DLGAP1: variants seen among roughly 807,000 people sequenced by gnomAD.
DLGAP1 encodes the protein DLG associated protein 1, also known as disks large-associated protein 1.
A neutral mutation model predicts 90.8 loss-of-function variants in DLGAP1; 11 were observed. The ratio of observed to expected loss-of-function variants is 0.12; its 90% CI spans 0.08 to 0.20. The LOEUF is 0.20. Among genes scored for constraint, DLGAP1 ranks in the 10% least tolerant of loss-of-function variants. The probability of loss-of-function intolerance (pLI) is 1.00; values close to 1 mark genes in which losing one functional copy is unlikely to be tolerated. For missense variants in DLGAP1, 1,050 were observed against 1,333.8 expected, an observed-to-expected ratio of 0.79 and a Z score of 3.31; for synonymous variants, 558 against 540.7, an observed-to-expected ratio of 1.03 and a Z score of -0.44.
At chr18:4,009,016 G>A (rs2074363781) in intron 2 of DLGAP1, among the ~76,000 whole-genome samples, 1 of 152,162 alleles carries the variant, frequency 6.6e-6, no homozygotes, top group Non-Finnish European at 1.5e-5. Flanking sequence ...CCGTTCTCCT[G>A]CCTCAGCCTT....
intron 7 of DLGAP1, among the ~76,000 whole-genome samples, chr18:3,694,739 C>T (rs1189186728): frequency 6.6e-6 from 1 of 150,808 alleles, no homozygotes; most frequent in Non-Finnish European, 1.5e-5. Flanking sequence ...TTGTTTTTTT[C>T]TTGTAAATTT....
intron 4 of DLGAP1, among the ~76,000 whole-genome samples, chr18:3,826,970 G>A (rs772110028): frequency 1.3e-5 from 2 of 152,094 alleles, no homozygotes; most frequent in Non-Finnish European, 2.9e-5. Context: ...GTAGTTAAGG[G>A]CGACTCCAAG....
intron 7 of DLGAP1, among the ~76,000 whole-genome samples, chr18:3,621,593 C>A (rs2058097631): frequency 6.6e-6 from 1 of 152,218 alleles, no homozygotes; most frequent in Non-Finnish European, 1.5e-5. Context: ...AAGCTGTAGC[C>A]AATCCAACTG....
intron 3 of DLGAP1, among the ~76,000 whole-genome samples, chr18:3,918,798 G>A (rs548348765): frequency 6.6e-6 from 1 of 152,266 alleles, no homozygotes; most frequent in South Asian, 2.1e-4. Flanking sequence ...GAACTAGGGT[G>A]GCTGGAGGCA....
chr18:4,137,975 T>C (rs957763960), intron 2 of DLGAP1, among the ~76,000 whole-genome samples: 2 of 152,154 alleles, frequency 1.3e-5, no homozygotes, highest in Admixed American at 1.3e-4. Context: ...CCCTGCAACG[T>C]TACTGAATTT....
At chr18:4,188,338 A>G (rs1032034829) in intron 1 of DLGAP1, among the ~76,000 whole-genome samples, 2 of 152,152 alleles carry the variant, frequency 1.3e-5, no homozygotes, top group Admixed American at 1.3e-4. Flanking sequence ...GTTCCGGGAT[A>G]CATGTGCAGA....
chr18:3,532,885 G>GGTCTGCACACAC (rs2052101983), intron 10 of DLGAP1, among the ~76,000 whole-genome samples: 1 of 152,186 alleles, frequency 6.6e-6, no homozygotes, highest in African/African-American at 2.4e-5. Context: ...ACATGCCTCA[G>GGTCTGCACACAC]AATTGAGGTA....
rs545401166 is a variant in DLGAP1 at position 4,025,221 on chromosome 18, C to T, written c.-158-20020G>A. Among the ~76,000 whole-genome samples the T allele has an allele frequency of 1.3e-4, 20 of 152,228 alleles. No homozygotes were observed. In the East Asian group the frequency reaches 2.1e-3, roughly 16 times the overall value. On this transcript the variant is annotated intron_variant, in intron 2 of 12. Transcript: ENST00000315677. ...CTCTACACTGAGTATTTCATACCCACGGCTCATTTGAAACATACAAGAACT... is the reference window on the plus strand; with the variant it reads ...CTCTACACTGAGTATTTCATACCCATGGCTCATTTGAAACATACAAGAACT...
chr18:3,512,724 C>T (rs1056111234), intron 10 of DLGAP1, among the ~76,000 whole-genome samples: 5 of 152,202 alleles, frequency 3.3e-5, no homozygotes, highest in African/African-American at 1.2e-4. Flanking sequence ...AAGTTTCTTC[C>T]CCACGGACAT....
intron 3 of DLGAP1, among the ~76,000 whole-genome samples, chr18:4,000,180 T>G (rs1032227961): frequency 6.6e-6 from 1 of 152,170 alleles, no homozygotes; most frequent in African/African-American, 2.4e-5. Context: ...ATCTTCATAT[T>G]ATCTATAATT....
chr18:4,252,675 C>G (rs935329681), intron 1 of DLGAP1, among the ~76,000 whole-genome samples: 12 of 152,182 alleles, frequency 7.9e-5, no homozygotes, highest in African/African-American at 2.9e-4. Flanking sequence ...CAAAACAAAA[C>G]TGTTAGGTTT....
chr18:3,505,898 A>G (rs2050187857), intron 11 of DLGAP1, among the ~76,000 whole-genome samples: 1 of 152,106 alleles, frequency 6.6e-6, no homozygotes, highest in African/African-American at 2.4e-5. Context: ...AGAACTAGGA[A>G]ACATCAAAAG....
At chr18:4,131,556 A>G (rs2076317534) in intron 2 of DLGAP1, among the ~76,000 whole-genome samples, 1 of 152,122 alleles carries the variant, frequency 6.6e-6, no homozygotes, top group South Asian at 2.1e-4. Flanking sequence ...AGCTTTATTT[A>G]CAGTAACAGG....
At chr18:4,206,425 A>C (rs929833556) in intron 1 of DLGAP1, among the ~76,000 whole-genome samples, 3 of 152,166 alleles carry the variant, frequency 2.0e-5, no homozygotes, top group African/African-American at 7.2e-5. Context: ...GTGCAAAGGA[A>C]CTATGCCAGC....
chr18:4,291,694 C>T (rs2079853712), intron 1 of DLGAP1, among the ~76,000 whole-genome samples: 1 of 152,058 alleles, frequency 6.6e-6, no homozygotes, highest in Admixed American at 6.6e-5. Flanking sequence ...TACTTTATGT[C>T]TCACTATTAA....
chr18:4,140,932 G>A (rs898534361), intron 2 of DLGAP1, among the ~76,000 whole-genome samples: 3 of 151,800 alleles, frequency 2.0e-5, no homozygotes, highest in African/African-American at 4.8e-5. Context: ...CATGTTATTT[G>A]TTTTTTTCTC....
chr18:4,307,722 T>C (rs2080297036), intron 1 of DLGAP1, among the ~76,000 whole-genome samples: 1 of 87,428 alleles, frequency 1.1e-5, no homozygotes, highest in Admixed American at 1.1e-4. Flanking sequence ...TTTTTTTTTT[T>C]TTTTTTTTTT....
At chr18:4,024,689 T>C (rs529040506) in intron 2 of DLGAP1, among the ~76,000 whole-genome samples, 11 of 152,308 alleles carry the variant, frequency 7.2e-5, no homozygotes, top group Non-Finnish European at 1.6e-4. Flanking sequence ...TACCACCTTC[T>C]GCAACCCTCA....
intron 2 of DLGAP1, among the ~76,000 whole-genome samples, chr18:4,029,419 A>G (rs1256258485): frequency 6.6e-6 from 1 of 152,154 alleles, no homozygotes; most frequent in Non-Finnish European, 1.5e-5. Flanking sequence ...AGGACCTTCC[A>G]TATTGCTTTC....
Sources: allele counts gnomAD v4.1 joint callset (sites outside exome capture counted in the v4.1 genomes callset), GRCh38; gene constraint gnomAD v4.1.1; transcripts MANE v1.5; gene names NCBI Gene and HGNC (gene_info 2026-07-23, HGNC 2026-07-21).